The following NEDD4 variants were observed in gnomAD, a reference collection of about 807,000 sequenced individuals.
The protein encoded by NEDD4 is NEDD4 E3 ubiquitin protein ligase.
In NEDD4, 99 loss-of-function variants were observed where a neutral mutation model predicts 144.9. That is an observed-to-expected ratio of 0.68 (90% confidence interval 0.58 to 0.81). The LOEUF (loss-of-function observed/expected upper bound fraction) is 0.81, where lower values mean the gene tolerates loss of function less well. Among genes scored for constraint, NEDD4 ranks in the 30% least tolerant of loss-of-function variants. The pLI is 0.00. For synonymous variants in NEDD4, 318 were observed against 350.6 expected, an observed-to-expected ratio of 0.91 and a Z score of 1.04; for missense variants, 985 against 1,065.9, an observed-to-expected ratio of 0.92 and a Z score of 1.06.
At position 55,829,342 on chromosome 15, in the gene NEDD4, A is replaced by G. The variant is rs1330545647; in HGVS notation, c.*555T>C. Reference sequence around the variant, plus strand: ...CACTTTCCAAAGTTTTTTCCCAAAAATCTAGGCAGTAAGGTGCATAAGGCA... The same window carrying G: ...CACTTTCCAAAGTTTTTTCCCAAAAGTCTAGGCAGTAAGGTGCATAAGGCA... On this transcript the variant is annotated 3_prime_UTR_variant, in exon 29 of 29. Transcript: ENST00000435532. 6.6e-6 allele frequency: 1 copy of G among 152,424 alleles called. No homozygotes were observed. Among genetic ancestry groups the G allele is most frequent in the African/African-American group, 2.4e-5 (1 of 41,468 alleles). 9.4% of individuals were successfully genotyped at this position (152,424 alleles called of 1,614,324 possible).
chr15:55,849,941 C>T (rs924924653), intron 14 of NEDD4, among the ~76,000 whole-genome samples: 5 of 151,840 alleles, frequency 3.3e-5, no homozygotes, highest in Admixed American at 2.0e-4. Flanking sequence ...TACAGGCACC[C>T]GCCACCATGC....
intron 1 of NEDD4, among the ~76,000 whole-genome samples, chr15:55,982,692 C>T (rs372210470): frequency 6.6e-6 from 1 of 152,206 alleles, no homozygotes; most frequent in African/African-American, 2.4e-5. Context: ...TCAAATTATA[C>T]ATTTATAATC....
chr15:55,946,147 C>T (rs2037108862), intron 4 of NEDD4, among the ~76,000 whole-genome samples: 4 of 152,152 alleles, frequency 2.6e-5, no homozygotes, highest in South Asian at 2.1e-4. Flanking sequence ...CAAATTCACA[C>T]ATAACAATAT....
rs373174073 is a variant in NEDD4 at position 55,953,654 on chromosome 15, C to T, written c.120-2065G>A. ...ACGCGGTTTTGCCATCTTGGCCAGG[C>T]TGGTCTCAAACTCTTGACCTCAGGT... is the stretch of plus-strand genomic sequence containing the variant. On this transcript the variant is annotated intron_variant, in intron 2 of 28. Transcript: ENST00000435532. 4.0e-5 allele frequency among the ~76,000 whole-genome samples: 6 copies of T among 151,626 alleles called. No individual in the cohort carries two copies. The East Asian group carries it at 9.8e-4, about 25-fold the overall frequency.
intron 5 of NEDD4, chr15:55,905,358 A>G: frequency 2.3e-6 from 1 of 444,376 alleles, no homozygotes; most frequent in Non-Finnish European, 4.5e-6. Context: ...AGACACTAAC[A>G]ATTGGGGGGT....
chr15:55,838,590 G>A lies in NEDD4; in HGVS notation c.2046C>T (p.Tyr682=), dbSNP rs1295667983. 2 of 1,607,630 alleles carry A rather than the reference G, an allele frequency of 1.2e-6. No individual in the cohort carries two copies. The highest frequency in any genetic ancestry group is 2.2e-5 in the East Asian group (1 of 44,682). ...TTTCAAGAATCCATCTTAGGGAATTGTAATATTCACTATCCTAGATGGGAA... is the reference window on the plus strand; with the variant it reads ...TTTCAAGAATCCATCTTAGGGAATTATAATATTCACTATCCTAGATGGGAA... ...HDMESVDSEY[Y]NSLRWILEND... Residue 682 remains tyrosine (Y), a synonymous_variant, in exon 22 of 29, where the codon TAC becomes TAT. Coordinates refer to ENST00000435532, the MANE Select transcript of NEDD4 (RefSeq NM_006154.4).
chr15:55,954,725 T>A (rs2037306641), intron 2 of NEDD4, among the ~76,000 whole-genome samples: 1 of 152,144 alleles, frequency 6.6e-6, no homozygotes, highest in Admixed American at 6.5e-5. Flanking sequence ...CATTTCTCTG[T>A]GTTGGTCAGG....
At chr15:55,941,650 C>A (rs376474493) in intron 4 of NEDD4, among the ~76,000 whole-genome samples, 1 of 151,884 alleles carries the variant, frequency 6.6e-6, no homozygotes, top group South Asian at 2.1e-4. Flanking sequence ...CTGCAACCTC[C>A]GCCTCCCAGG....
At chr15:55,985,756 C>CACAT (rs1454368040) in intron 1 of NEDD4, among the ~76,000 whole-genome samples, 1 of 110,686 alleles carries the variant, frequency 9.0e-6, no homozygotes, top group Non-Finnish European at 1.8e-5. Context: ...GTGTAGAGTA[C>CACAT]ACATACACAC....
chr15:55,882,727 A>T (rs988881475), intron 5 of NEDD4, among the ~76,000 whole-genome samples: 13 of 152,118 alleles, frequency 8.5e-5, no homozygotes, highest in African/African-American at 3.1e-4. Flanking sequence ...CCACCCCTAC[A>T]CCAACCCCAG....
At chr15:55,873,077 T>A (rs2034861306) in intron 6 of NEDD4, among the ~76,000 whole-genome samples, 1 of 152,192 alleles carries the variant, frequency 6.6e-6, no homozygotes, top group South Asian at 2.1e-4. Flanking sequence ...AACTACCCAG[T>A]CTGCCTTGAA....
At chr15:55,880,976 G>T (rs1422932547) in intron 5 of NEDD4, among the ~76,000 whole-genome samples, 18 of 152,068 alleles carry the variant, frequency 1.2e-4, no homozygotes, top group Admixed American at 1.1e-3. Flanking sequence ...TTTCAAACAG[G>T]TATATCCAAG....
chr15:55,939,332 T>C (rs186235667), intron 4 of NEDD4, among the ~76,000 whole-genome samples: 1 of 152,136 alleles, frequency 6.6e-6, no homozygotes, highest in Non-Finnish European at 1.5e-5. Flanking sequence ...CCCCCTTCAC[T>C]TTCTCTTCTG....
intron 5 of NEDD4, among the ~76,000 whole-genome samples, chr15:55,923,067 C>T (rs1435911936): frequency 1.3e-5 from 2 of 151,740 alleles, no homozygotes; most frequent in African/African-American, 4.8e-5. Context: ...GCCTGTAATC[C>T]CAGCTACTTG....
At chr15:55,842,230 A>G in intron 18 of NEDD4, 67 bp from the exon 19 acceptor site, 2 of 1,351,440 alleles carry the variant, frequency 1.5e-6, no homozygotes, top group Non-Finnish European at 1.0e-6. Flanking sequence ...CATCTCTCAT[A>G]AAGTTATAAC....
rs769121315 is a variant in NEDD4, at chr15:55,915,711, G to C, written c.291+8935C>G. ...TTGGGTGAAATGCACTGAAACACAA[G>C]AATATCCTTCAGATGACTTTTCACA... On this transcript the variant is annotated intron_variant, in intron 5 of 28. Transcript: ENST00000435532. 1.4e-5 allele frequency: 22 copies of C among 1,613,962 alleles called. No individual in the cohort carries two copies. In the East Asian group the frequency reaches 4.0e-4, roughly 29 times the overall value.
intron 4 of NEDD4, among the ~76,000 whole-genome samples, chr15:55,934,524 A>G (rs1189756154): frequency 6.6e-6 from 1 of 152,206 alleles, no homozygotes; most frequent in African/African-American, 2.4e-5. Flanking sequence ...ATATATGAAT[A>G]GAAAGTATTC....
At chr15:55,958,539 G>A (rs1238222050) in intron 2 of NEDD4, among the ~76,000 whole-genome samples, 5 of 152,074 alleles carry the variant, frequency 3.3e-5, no homozygotes, top group Middle Eastern at 3.2e-3. Context: ...TTTTCTGAAC[G>A]TGTTTGTGTA....
At chr15:55,963,789 C>CT (rs1438275967) in intron 2 of NEDD4, among the ~76,000 whole-genome samples, 1 of 152,168 alleles carries the variant, frequency 6.6e-6, no homozygotes, top group Admixed American at 6.5e-5. Flanking sequence ...GCTGAAAGGA[C>CT]TTTAAGATAT....
Sources: allele counts gnomAD v4.1 joint callset (sites outside exome capture counted in the v4.1 genomes callset), GRCh38; gene constraint gnomAD v4.1.1; transcripts MANE v1.5; gene names NCBI Gene and HGNC (gene_info 2026-07-23, HGNC 2026-07-21).